The following HORMAD2 variants were observed in gnomAD, a reference collection of about 807,000 sequenced individuals.
HORMAD2 encodes the protein HORMA domain-containing protein 2.
Under a neutral mutation model 38.8 loss-of-function variants are expected in HORMAD2, and 45 were observed. That is an observed-to-expected ratio of 1.16 (90% CI 0.91 to 1.49). HORMAD2 has a LOEUF of 1.49. Among genes scored for constraint, HORMAD2 ranks in the 40% most tolerant of loss-of-function variants. The probability of loss-of-function intolerance (pLI) is 0.00; values close to 1 mark genes in which losing one functional copy is unlikely to be tolerated. For synonymous variants in HORMAD2, 126 were observed against 122.8 expected, an observed-to-expected ratio of 1.03 and a Z score of -0.17; for missense variants, 338 against 367.0, an observed-to-expected ratio of 0.92 and a Z score of 0.65.
At chr22:30,183,901 C>G in the HORMAD2 span, among the ~76,000 whole-genome samples, 1 of 152,218 alleles carries the variant, frequency 6.6e-6, no homozygotes, top group Non-Finnish European at 1.5e-5. Flanking sequence ...GGCAGATTTT[C>G]ACTTCATTCC....
chr22:30,148,362 T>C (rs1179729613), intron 10 of HORMAD2, among the ~76,000 whole-genome samples: 3 of 152,100 alleles, frequency 2.0e-5, no homozygotes, highest in Non-Finnish European at 4.4e-5. Flanking sequence ...AACAAATAAG[T>C]GTTTGCCTGG....
Position 30,151,847 on chromosome 22 carries a change from T to C in HORMAD2, c.820-24216T>C, listed in dbSNP as rs376800578. Among the ~76,000 whole-genome samples the C allele has an allele frequency of 7.9e-5, 12 of 152,302 alleles. No homozygotes were observed. The South Asian group carries it at 2.1e-3, about 26-fold the overall frequency. On this transcript the variant is annotated intron_variant, in intron 10 of 10. Transcript: ENST00000336726. ...AGAGAGATCAAATTCTTCCACTTGGTTTTGGATGCTTTGTGTCATTATCCT... is the reference window on the plus strand; with the variant it reads ...AGAGAGATCAAATTCTTCCACTTGGCTTTGGATGCTTTGTGTCATTATCCT...
Position 30,112,503 on chromosome 22 carries a change from C to A in HORMAD2, c.323C>A (p.Thr108Lys). 1 of 1,399,690 alleles carries A rather than the reference C, an allele frequency of 7.1e-7. No homozygotes were observed. Among genetic ancestry groups the A allele is most frequent in the Non-Finnish European group, 9.6e-7 (1 of 1,045,614 alleles). The allele number at this position is 1,399,690 out of a possible 1,614,324, so 86.7% of individuals were successfully genotyped here. The change falls in exon 7 of 11, where the codon ACA becomes AAA. Residue 108 changes from threonine to lysine, a missense_variant. Coordinates refer to ENST00000336726, the MANE Select transcript of HORMAD2 (RefSeq NM_152510.4). ...YLRMAVLTLY[T>K]DPMGSEKVTE... ...TTATTTTCCCTTATACAGCTTTACA[C>A]AGATCCCATGGGATCTGAGGTAAGA... is the stretch of plus-strand genomic sequence containing the variant.
chr22:30,163,345 T>C (rs185943596), intron 10 of HORMAD2, among the ~76,000 whole-genome samples: 54 of 152,342 alleles, frequency 3.5e-4, no homozygotes, highest in Admixed American at 3.1e-3. Context: ...TATAGTCCTG[T>C]TCAAAGATTG....
chr22:30,106,483 G>T (rs1921207633), intron 5 of HORMAD2, among the ~76,000 whole-genome samples: 2 of 152,108 alleles, frequency 1.3e-5, no homozygotes, highest in South Asian at 2.1e-4. Context: ...AAACATGAGA[G>T]AAATCTTTTG....
intron 10 of HORMAD2, among the ~76,000 whole-genome samples, chr22:30,124,256 AACACACACACACACACACACACAC>A (rs10616156): frequency 6.8e-6 from 1 of 146,480 alleles, no homozygotes; most frequent in Admixed American, 6.8e-5. Context: ...GAATACATGG[AACACACACACACACACACACACAC>A]ACACACACAC....
chr22:30,203,471 T>C, the HORMAD2 span, among the ~76,000 whole-genome samples: 1 of 151,390 alleles, frequency 6.6e-6, no homozygotes, highest in African/African-American at 2.4e-5. Context: ...TCGAAAAACA[T>C]CTGGAAGAGA....
chr22:30,115,318 G>A (rs1335335774), intron 7 of HORMAD2, among the ~76,000 whole-genome samples: 1 of 151,932 alleles, frequency 6.6e-6, no homozygotes, highest in African/African-American at 2.4e-5. Flanking sequence ...GCAAATGTGG[G>A]GTTATGTTGC....
chr22:30,150,353 C>CTTCCCT (rs1345909300), intron 10 of HORMAD2, among the ~76,000 whole-genome samples: 1 of 152,052 alleles, frequency 6.6e-6, no homozygotes, highest in Non-Finnish European at 1.5e-5. Flanking sequence ...GTTCTCTGAA[C>CTTCCCT]TTCCCTTTTT....
In HORMAD2 at chr22:30,122,037, G is replaced by A. The variant is rs544667629; in HGVS notation, c.642G>A (p.Glu214=). The change falls in exon 10 of 11, where the codon GAG becomes GAA. Residue 214 remains glutamate (E), a synonymous_variant. Coordinates refer to ENST00000336726, the MANE Select transcript of HORMAD2 (RefSeq NM_152510.4). Reference sequence around the variant, plus strand: ...CACACTTCCTGCTGTTTGACAAGGAGCCTATCAACGTGCAAGTGGGATTTG... The same window carrying A: ...CACACTTCCTGCTGTTTGACAAGGAACCTATCAACGTGCAAGTGGGATTTG... ...VNSHFLLFDK[E]PINVQVGFVS... 8 of 1,613,328 alleles carry A rather than the reference G, an allele frequency of 5.0e-6. No homozygotes were observed. In the East Asian group the frequency reaches 1.8e-4, roughly 36 times the overall value.
intron 10 of HORMAD2, among the ~76,000 whole-genome samples, chr22:30,162,538 G>T (rs986894072): frequency 2.0e-5 from 3 of 151,570 alleles, no homozygotes; most frequent in African/African-American, 7.3e-5. Flanking sequence ...TTAATATATT[G>T]GGTTAAATTA....
At chr22:30,164,423 A>G (rs746798161) in intron 10 of HORMAD2, among the ~76,000 whole-genome samples, 43 of 152,202 alleles carry the variant, frequency 2.8e-4, no homozygotes, top group Non-Finnish European at 5.0e-4. Flanking sequence ...CCAGCAATGC[A>G]CAAGGGTTCC....
chr22:30,085,511 T>C (rs2146054059), intron 1 of HORMAD2, among the ~76,000 whole-genome samples: 1 of 152,344 alleles, frequency 6.6e-6, no homozygotes, highest in Non-Finnish European at 1.5e-5. Context: ...CCCAGCACTT[T>C]GGGAGGCCAA....
chr22:30,095,506 G>A (rs1289701114), intron 2 of HORMAD2, among the ~76,000 whole-genome samples: 3 of 152,102 alleles, frequency 2.0e-5, no homozygotes, highest in East Asian at 3.8e-4. Flanking sequence ...GGAAAAGTCA[G>A]ACTTTATCTG....
chr22:30,096,648 A>G (rs1023525760), intron 2 of HORMAD2, among the ~76,000 whole-genome samples: 1 of 151,864 alleles, frequency 6.6e-6, no homozygotes, highest in Non-Finnish European at 1.5e-5. Context: ...TTGTATTTTT[A>G]GTAGAGACGG....
At chr22:30,147,517 TGGAC>T (rs1229106153) in intron 10 of HORMAD2, among the ~76,000 whole-genome samples, 1 of 152,128 alleles carries the variant, frequency 6.6e-6, no homozygotes, top group Admixed American at 6.6e-5. Context: ...ATAAAACTTC[TGGAC>T]GGAAACATGG....
chr22:30,129,539 A>G (rs1246703615), intron 10 of HORMAD2, among the ~76,000 whole-genome samples: 1 of 152,190 alleles, frequency 6.6e-6, no homozygotes, highest in African/African-American at 2.4e-5. Context: ...TGAGCCAGAG[A>G]AATTAGCCCA....
chr22:30,203,511 C>A, the HORMAD2 span, among the ~76,000 whole-genome samples: 1 of 152,142 alleles, frequency 6.6e-6, no homozygotes, highest in South Asian at 2.1e-4. Flanking sequence ...ACTGTCCATC[C>A]TTCCCCTGCT....
chr22:30,195,192 C>CAA, the HORMAD2 span, among the ~76,000 whole-genome samples: 170 of 89,262 alleles, frequency 1.9e-3, 1 homozygote, highest in African/African-American at 4.4e-3. Context: ...GACTCCGTCT[C>CAA]AAAAAAAAAA....
Sources: allele counts gnomAD v4.1 joint callset (sites outside exome capture counted in the v4.1 genomes callset), GRCh38; gene constraint gnomAD v4.1.1; transcripts MANE v1.5; gene names NCBI Gene and HGNC (gene_info 2026-07-23, HGNC 2026-07-21).